CD2AP: variants seen among roughly 807,000 people sequenced by gnomAD.
CD2AP encodes the protein CD2-associated protein.
In CD2AP, 46 loss-of-function variants were observed where a neutral mutation model predicts 85.1. The ratio of observed to expected loss-of-function variants is 0.54; its 90% CI spans 0.43 to 0.69. CD2AP has a LOEUF of 0.69. Among genes scored for constraint, CD2AP ranks in the 30% least tolerant of loss-of-function variants. The probability of loss-of-function intolerance (pLI) is 0.00; values close to 1 mark genes in which losing one functional copy is unlikely to be tolerated. For synonymous variants in CD2AP, 255 were observed against 252.9 expected (o/e 1.01, Z -0.08); for missense variants, 769 against 729.5 (o/e 1.05, Z -0.62).
At chr6:47,549,355 T>G (rs543518205) in intron 4 of CD2AP, among the ~76,000 whole-genome samples, 1 of 151,760 alleles carries the variant, frequency 6.6e-6, no homozygotes, top group South Asian at 2.1e-4. Context: ...TTCAGCAAAG[T>G]TTCCGGGTAC....
intron 2 of CD2AP, among the ~76,000 whole-genome samples, chr6:47,504,274 G>C (rs1766070882): frequency 6.6e-6 from 1 of 152,242 alleles, no homozygotes; most frequent in South Asian, 2.1e-4. Flanking sequence ...AGGAAGGTTA[G>C]AGTATGTATC....
chr6:47,497,353 TTC>T (rs1765889883), intron 1 of CD2AP, among the ~76,000 whole-genome samples: 2 of 86,970 alleles, frequency 2.3e-5, no homozygotes, highest in Non-Finnish European at 5.6e-5. Context: ...TTCCCTCCCC[TTC>T]CCCTTCCCCT....
At chr6:47,495,664 AT>A (rs566818426) in intron 1 of CD2AP, among the ~76,000 whole-genome samples, 295 of 152,086 alleles carry the variant, frequency 1.9e-3, no homozygotes, top group African/African-American at 6.9e-3. Flanking sequence ...TGTGTCCTCA[AT>A]TTTCTAATGG....
chr6:47,539,937 A>G (rs765761772), intron 3 of CD2AP, among the ~76,000 whole-genome samples: 1 of 151,822 alleles, frequency 6.6e-6, no homozygotes, highest in Admixed American at 6.6e-5. Context: ...CCAGCACTTT[A>G]GGAGGCTGAG....
chr6:47,576,489 C>G (rs552725917), intron 6 of CD2AP, 35 bp from the exon 7 acceptor site: 4 of 1,365,932 alleles, frequency 2.9e-6, no homozygotes, highest in African/African-American at 2.9e-5. Context: ...TTTATTCTAT[C>G]TTAAAATAGT....
In CD2AP at chr6:47,543,353, G is replaced by A. The variant is rs116411139; in HGVS notation, c.320-1253G>A. ...CCATTTTCAAGGAATTAAAGATCAG[G>A]GTGACTGAATTATTGGGTACAAGAT... is the stretch of plus-strand genomic sequence containing the variant. On this transcript the variant is annotated intron_variant, in intron 3 of 17. Transcript: ENST00000359314. Among the ~76,000 whole-genome samples, 1,441 of 152,042 alleles carry A rather than the reference G, an allele frequency of 9.5e-3. 24 individuals carry two copies. Among genetic ancestry groups the A allele is most frequent in the African/African-American group, 0.033 (1,380 of 41,486 alleles).
chr6:47,594,393 A>G (rs1330090821), intron 11 of CD2AP, among the ~76,000 whole-genome samples: 3 of 152,074 alleles, frequency 2.0e-5, no homozygotes, highest in African/African-American at 7.2e-5. Flanking sequence ...AGGAATGATG[A>G]GTCGTATTTT....
chr6:47,549,598 G>A (rs568214136), intron 4 of CD2AP, among the ~76,000 whole-genome samples: 116 of 152,098 alleles, frequency 7.6e-4, no homozygotes, highest in South Asian at 1.7e-3. Flanking sequence ...TCATGGTCAC[G>A]GATGGGTAGA....
intron 5 of CD2AP, among the ~76,000 whole-genome samples, 194 bp from the exon 6 acceptor site, chr6:47,573,870 G>A (rs942370985): frequency 6.6e-5 from 10 of 151,930 alleles, no homozygotes; most frequent in South Asian, 2.1e-4. Context: ...AATTATTATC[G>A]TTTTGCACAA....
At chr6:47,518,024 A>G (rs927205838) in intron 2 of CD2AP, among the ~76,000 whole-genome samples, 3 of 152,154 alleles carry the variant, frequency 2.0e-5, no homozygotes, top group Non-Finnish European at 4.4e-5. Flanking sequence ...GAATGGTTAA[A>G]TATTGTTTTG....
At chr6:47,549,864 A>G (rs1767466772) in intron 4 of CD2AP, among the ~76,000 whole-genome samples, 1 of 152,224 alleles carries the variant, frequency 6.6e-6, no homozygotes. Context: ...AAATAGGCAT[A>G]TTGACCAATG....
chr6:47,538,241 T>G (rs1297396242), intron 3 of CD2AP, among the ~76,000 whole-genome samples: 2 of 152,120 alleles, frequency 1.3e-5, no homozygotes, highest in Non-Finnish European at 2.9e-5. Context: ...TTTATTTTAT[T>G]TTATTTATTT....
chr6:47,573,827 G>C (rs1425698505), intron 5 of CD2AP, among the ~76,000 whole-genome samples: 2 of 151,940 alleles, frequency 1.3e-5, no homozygotes, highest in African/African-American at 4.8e-5. Flanking sequence ...TCCTAATTAG[G>C]ATTTCTTAAT....
Position 47,478,004 on chromosome 6 carries a change from C to T in CD2AP, c.-241C>T, listed in dbSNP as rs1231370512. ...TAGGGCCCTCCCGCCGCCGTGGCTC[C>T]TGGGGAGGCCAGGGGTGAGGAGCTG... On this transcript the variant is annotated 5_prime_UTR_variant, in exon 1 of 18. Transcript: ENST00000359314. 12 of 586,574 alleles carry T rather than the reference C, an allele frequency of 2.0e-5. No homozygotes were observed. The highest frequency in any genetic ancestry group is 9.0e-6 in the Non-Finnish European group (3 of 331,984). 36.3% of individuals were successfully genotyped at this position (586,574 alleles called of 1,614,324 possible).
intron 2 of CD2AP, among the ~76,000 whole-genome samples, chr6:47,522,696 C>T (rs1766627450): frequency 6.6e-6 from 1 of 151,952 alleles, no homozygotes; most frequent in Non-Finnish European, 1.5e-5. Context: ...TTGGTTTCAA[C>T]CTAAATTTCT....
intron 4 of CD2AP, among the ~76,000 whole-genome samples, chr6:47,549,477 A>T (rs1319223220): frequency 6.6e-6 from 1 of 151,352 alleles, no homozygotes; most frequent in Non-Finnish European, 1.5e-5. Flanking sequence ...AAAAAAAAAA[A>T]AAATAAGATG....
intron 2 of CD2AP, among the ~76,000 whole-genome samples, chr6:47,516,213 A>G (rs1277452600): frequency 6.6e-6 from 1 of 152,236 alleles, no homozygotes; most frequent in African/African-American, 2.4e-5. Flanking sequence ...AGTTTGGTCC[A>G]GCTAGCCAAG....
intron 4 of CD2AP, among the ~76,000 whole-genome samples, chr6:47,553,535 T>G (rs970116758): frequency 7.3e-6 from 1 of 136,382 alleles, no homozygotes; most frequent in African/African-American, 2.6e-5. Flanking sequence ...TTTTTTTTTT[T>G]TTGTATTTTT....
intron 3 of CD2AP, among the ~76,000 whole-genome samples, chr6:47,540,464 A>G (rs925487415): frequency 6.6e-6 from 1 of 152,104 alleles, no homozygotes. Context: ...ATAATGTGGA[A>G]TTATTTTTTT....
Sources: gnomAD v4.1 joint callset for allele counts (sites outside exome capture counted in the v4.1 genomes callset) on GRCh38, gnomAD v4.1.1 for gene constraint, MANE v1.5 for transcripts, NCBI Gene and HGNC (gene_info 2026-07-23, HGNC 2026-07-21) for gene names.